MYH15: variants seen among roughly 807,000 people sequenced by gnomAD.
The protein encoded by MYH15 is myosin-15.
In MYH15, 227 loss-of-function variants were observed where a neutral mutation model predicts 240.5. The ratio of observed to expected loss-of-function variants is 0.94; its 90% CI spans 0.85 to 1.05. The LOEUF is 1.05. Ranked by LOEUF, MYH15 falls within the 50% of genes least tolerant of loss-of-function variation. The pLI is 0.00. For synonymous variants in MYH15, 785 were observed against 796.7 expected (o/e 0.99, Z 0.25); for missense variants, 2,217 against 2,247.5 (o/e 0.99, Z 0.27).
At chr3:108,405,314 A>G (rs374755517) in intron 33 of MYH15, 24 bp downstream of exon 33, 77 of 1,347,732 alleles carry the variant, frequency 5.7e-5, no homozygotes, top group African/African-American at 4.2e-4. Context: ...CATAATTGTT[A>G]CACATCAAAA....
At position 108,464,713 on chromosome 3, in the gene MYH15, C is replaced by T. The variant is rs375140170; in HGVS notation, c.1656G>A (p.Ser552=). The change falls in exon 15 of 41, where the codon TCG becomes TCA. Residue 552 remains serine, a synonymous_variant. Coordinates refer to ENST00000693548, the MANE Select transcript of MYH15 (RefSeq NM_014981.3). Reference sequence around the variant, plus strand: ...CAGGCTTGGGCTTCTGGAGATGAACCGACTTTCCAAAATGGTTGTCAAAGA... The same window carrying T: ...CAGGCTTGGGCTTCTGGAGATGAACTGACTTTCCAAAATGGTTGTCAAAGA... ...TKLFDNHFGK[S]VHLQKPKPDK... 5.6e-5 allele frequency: 90 copies of T among 1,613,814 alleles called. No individual in the cohort carries two copies. The East Asian group carries it at 9.4e-4, about 17-fold the overall frequency.
chr3:108,459,766 C>T (rs992860541), intron 17 of MYH15, among the ~76,000 whole-genome samples: 3 of 152,120 alleles, frequency 2.0e-5, no homozygotes. Flanking sequence ...AGTTCTCTCT[C>T]TGTGGAAAAC....
intron 16 of MYH15, 49 bp from the exon 17 acceptor site, chr3:108,460,416 T>G: frequency 6.9e-7 from 1 of 1,451,434 alleles, no homozygotes; most frequent in Non-Finnish European, 9.3e-7. Context: ...AAAAGCTCAT[T>G]TTTATCACAT....
intron 7 of MYH15, among the ~76,000 whole-genome samples, chr3:108,493,914 T>C (rs753925197): frequency 9.2e-5 from 14 of 152,246 alleles, no homozygotes; most frequent in Non-Finnish European, 1.8e-4. Context: ...CACCTTGGCA[T>C]AAATAATAGA....
chr3:108,537,461 AAG>A, the MYH15 span, among the ~76,000 whole-genome samples: 49 of 152,328 alleles, frequency 3.2e-4, no homozygotes, highest in African/African-American at 1.0e-3. Flanking sequence ...GGTGATGATT[AAG>A]ACATGAGAGC....
chr3:108,493,214 C>T, intron 7 of MYH15, 37 bp from the exon 8 acceptor site: 2 of 1,577,956 alleles, frequency 1.3e-6, no homozygotes, highest in Non-Finnish European at 1.7e-6. Flanking sequence ...ACACAAAACA[C>T]AGTTTCCTAT....
intron 27 of MYH15, among the ~76,000 whole-genome samples, chr3:108,423,971 T>A (rs2082706652): frequency 6.6e-6 from 1 of 152,242 alleles, no homozygotes; most frequent in Admixed American, 6.5e-5. Flanking sequence ...ATTTTTATTT[T>A]ATGATGTCTC....
chr3:108,466,889 G>C (rs913662464), intron 14 of MYH15, among the ~76,000 whole-genome samples: 4 of 152,048 alleles, frequency 2.6e-5, no homozygotes, highest in African/African-American at 9.7e-5. Flanking sequence ...CATAAACCTA[G>C]GGCAGGATTT....
At chr3:108,507,249 A>G (rs1053968877) in intron 1 of MYH15, among the ~76,000 whole-genome samples, 2 of 33,968 alleles carry the variant, frequency 5.9e-5, no homozygotes, top group Non-Finnish European at 1.6e-4. Context: ...ATATATATAT[A>G]TATATATATA....
intron 22 of MYH15, among the ~76,000 whole-genome samples, chr3:108,442,273 G>C (rs1229602902): frequency 6.6e-6 from 1 of 152,120 alleles, no homozygotes; most frequent in African/African-American, 2.4e-5. Flanking sequence ...ATTGGCCTCT[G>C]AGTAGCTCCT....
At chr3:108,453,240 T>A (rs1303284108) in intron 21 of MYH15, among the ~76,000 whole-genome samples, 1 of 151,980 alleles carries the variant, frequency 6.6e-6, no homozygotes, top group African/African-American at 2.4e-5. Context: ...TATATGAGAG[T>A]CACAGAAGAC....
In MYH15 at chr3:108,398,632, C is replaced by T. The variant is rs766069704; in HGVS notation, c.5133+5G>A. ...CAGCTAATAGGGAGAGTATATGGGC[C>T]CCACCTGGGTATAGAAAAGATTGAT... On this transcript the variant is annotated splice_donor_5th_base_variant and intron_variant, in intron 35 of 40. Transcript: ENST00000693548. 5 of 1,612,514 alleles carry T rather than the reference C, an allele frequency of 3.1e-6. No homozygotes were observed. Among genetic ancestry groups the T allele is most frequent in the Admixed American group, 3.3e-5 (2 of 60,022 alleles).
In MYH15 at chr3:108,437,579, G is replaced by T. The variant is rs775654821; in HGVS notation, c.3196C>A (p.Arg1066=). 3 of 1,613,570 alleles carry T rather than the reference G, an allele frequency of 1.9e-6. No homozygotes were observed. The highest frequency in any genetic ancestry group is 2.2e-5 in the East Asian group (1 of 44,850). ...TTCCTCAGCTCTTCTGCCAGGTGTC[G>T]CTGGCTGCTTTCCAGGTTCTCCATA... The part of the protein sequence containing the change: ...ESMENLESSQ[R]HLAEELRKKE... Residue 1066 remains arginine, a synonymous_variant, in exon 25 of 41, where the codon CGA becomes AGA. Transcript: ENST00000693548.
intron 24 of MYH15, among the ~76,000 whole-genome samples, chr3:108,439,177 A>G: frequency 6.6e-6 from 1 of 152,220 alleles, no homozygotes; most frequent in East Asian, 1.9e-4. Context: ...TTATGAACCC[A>G]CACATTGAAA....
chr3:108,456,805 C>A lies in MYH15; in HGVS notation c.2099G>T (p.Gly700Val), dbSNP rs1161882115. 6.2e-7 allele frequency: 1 copy of A among 1,613,688 alleles called. No individual in the cohort carries two copies. Among genetic ancestry groups the A allele is most frequent in the East Asian group, 2.2e-5 (1 of 44,852 alleles). Reference sequence around the variant, plus strand: ...AGCATACTGCAGTCGGTTTGGAAAACCTTCACGGCATATCCTAGTCCCTTC... The same window carrying A: ...AGCATACTGCAGTCGGTTTGGAAAAACTTCACGGCATATCCTAGTCCCTTC... ...VLEGTRICRE[G>V]FPNRLQYADF... Residue 700 changes from glycine to valine, a missense_variant, in exon 19 of 41, where the codon GGT becomes GTT. Physicochemically the swap from Gly to Val is moderately radical, Grantham distance 109 (BLOSUM62 -3). Transcript: ENST00000693548.
the MYH15 span, among the ~76,000 whole-genome samples, chr3:108,539,011 G>C: frequency 6.6e-6 from 1 of 152,078 alleles, no homozygotes. Context: ...CACTTTCTTG[G>C]TAACACTAAT....
intron 10 of MYH15, among the ~76,000 whole-genome samples, chr3:108,485,984 C>G (rs1466952748): frequency 6.6e-6 from 1 of 152,108 alleles, no homozygotes. Context: ...TCTTAAGTAT[C>G]CACTTAAATG....
Position 108,398,735 on chromosome 3 carries a change from C to T in MYH15, c.5035G>A (p.Asp1679Asn). ...RNSLLQSELE[D>N]LRSLQEQTER... ...GTCTGCTCTTGCAGGGACCTTAGAT[C>T]CTCTAGTTCAGACTGAAGAAGAGAG... Residue 1679 changes from aspartate to asparagine, a missense_variant, in exon 35 of 41, where the codon GAT (aspartate) becomes AAT (asparagine). By Grantham distance (23) the Asp-to-Asn change is conservative. Coordinates refer to ENST00000693548, the MANE Select transcript of MYH15 (RefSeq NM_014981.3). 1 of 1,614,176 alleles carries T rather than the reference C, an allele frequency of 6.2e-7. No individual in the cohort carries two copies. The highest frequency in any genetic ancestry group is 8.5e-7 in the Non-Finnish European group (1 of 1,180,038).
chr3:108,389,160 G>T, intron 37 of MYH15, 86 bp from the exon 38 acceptor site: 1 of 1,213,768 alleles, frequency 8.2e-7, no homozygotes, highest in Non-Finnish European at 1.2e-6. Flanking sequence ...TTGAAAGACA[G>T]CAAAGTGTCA....
Sources: gnomAD v4.1 joint callset for allele counts (sites outside exome capture counted in the v4.1 genomes callset) on GRCh38, gnomAD v4.1.1 for gene constraint, MANE v1.5 for transcripts, NCBI Gene and HGNC (gene_info 2026-07-23, HGNC 2026-07-21) for gene names.